ZNF804B: variants seen among roughly 807,000 people sequenced by gnomAD.
ZNF804B encodes the protein zinc finger protein 804B.
In ZNF804B, 80 loss-of-function variants were observed where a neutral mutation model predicts 101.4. The observed-to-expected ratio is 0.79, with a 90% CI of 0.66 to 0.95. The LOEUF is 0.95. Among genes scored for constraint, ZNF804B ranks in the 40% least tolerant of loss-of-function variants. The pLI is 0.00. For synonymous variants in ZNF804B, 622 were observed against 558.8 expected, an observed-to-expected ratio of 1.11 and a Z score of -1.59; for missense variants, 1,673 against 1,561.9, an observed-to-expected ratio of 1.07 and a Z score of -1.20.
intron 1 of ZNF804B, among the ~76,000 whole-genome samples, chr7:89,120,429 G>A (rs1294431041): frequency 6.6e-6 from 1 of 151,972 alleles, no homozygotes; most frequent in East Asian, 1.9e-4. Flanking sequence ...AGGCCGAGGC[G>A]GGCAGATCAC....
intron 1 of ZNF804B, among the ~76,000 whole-genome samples, chr7:89,161,528 C>T (rs898291235): frequency 2.6e-5 from 4 of 151,872 alleles, no homozygotes; most frequent in African/African-American, 9.7e-5. Context: ...GATCATGTCA[C>T]CCAGGTAATG....
intron 1 of ZNF804B, among the ~76,000 whole-genome samples, chr7:88,929,769 T>A (rs1792856285): frequency 6.6e-6 from 1 of 151,958 alleles, no homozygotes; most frequent in Non-Finnish European, 1.5e-5. Flanking sequence ...ATTAGTGTAA[T>A]GGTGATTTAA....
chr7:89,223,973 G>T (rs1789042753), intron 2 of ZNF804B, among the ~76,000 whole-genome samples: 1 of 151,842 alleles, frequency 6.6e-6, no homozygotes, highest in Admixed American at 6.6e-5. Flanking sequence ...ATTAATATAG[G>T]TAACATGTCA....
At chr7:89,190,203 C>T (rs914914302) in intron 1 of ZNF804B, among the ~76,000 whole-genome samples, 2 of 151,644 alleles carry the variant, frequency 1.3e-5, no homozygotes, top group South Asian at 4.2e-4. Flanking sequence ...GGCATAGTGG[C>T]GCACACCTGT....
rs527698876 is a variant in ZNF804B at position 89,091,913 on chromosome 7, T to C, written c.109-126242T>C. Among the ~76,000 whole-genome samples the C allele has an allele frequency of 1.6e-4, 25 of 152,320 alleles. No homozygotes were observed. The East Asian group carries it at 2.3e-3, about 14-fold the overall frequency. On this transcript the variant is annotated intron_variant, in intron 1 of 3. Coordinates refer to ENST00000333190, the MANE Select transcript of ZNF804B (RefSeq NM_181646.5). ...CCGTGTAAGTTAAGGGGAATTCTTA[T>C]GCACAGTTTTTTTTTATTCTTTATA...
intron 1 of ZNF804B, among the ~76,000 whole-genome samples, chr7:89,135,269 C>G (rs924268564): frequency 4.6e-5 from 7 of 151,972 alleles, no homozygotes; most frequent in African/African-American, 1.7e-4. Context: ...TTGCATATTT[C>G]CATATAGTGT....
At chr7:89,185,971 A>G (rs1788369770) in intron 1 of ZNF804B, among the ~76,000 whole-genome samples, 1 of 152,164 alleles carries the variant, frequency 6.6e-6, no homozygotes, top group Non-Finnish European at 1.5e-5. Flanking sequence ...GTCATGTAGA[A>G]TAATACGTTC....
chr7:89,252,689 A>T (rs547191345), intron 2 of ZNF804B, among the ~76,000 whole-genome samples: 2 of 152,354 alleles, frequency 1.3e-5, no homozygotes, highest in East Asian at 3.9e-4. Flanking sequence ...ACACCATAGA[A>T]TACTATGCAG....
chr7:89,033,041 G>GA (rs200755366), intron 1 of ZNF804B, among the ~76,000 whole-genome samples: 24,300 of 143,354 alleles, frequency 0.17, 2,253 homozygotes, highest in East Asian at 0.26. Flanking sequence ...TATTTAAAAG[G>GA]AAAAAAAAAA....
chr7:88,859,976 T>C (rs904268156), intron 1 of ZNF804B, among the ~76,000 whole-genome samples: 1 of 151,842 alleles, frequency 6.6e-6, no homozygotes, highest in East Asian at 1.9e-4. Context: ...ATCAATATTT[T>C]ATAAATATTT....
chr7:88,843,396 T>C (rs552106641), intron 1 of ZNF804B, among the ~76,000 whole-genome samples: 5 of 152,166 alleles, frequency 3.3e-5, no homozygotes, highest in Non-Finnish European at 7.4e-5. Flanking sequence ...AGAATTTTTT[T>C]TATGATGTCA....
At chr7:89,053,451 G>A (rs1307797742) in intron 1 of ZNF804B, among the ~76,000 whole-genome samples, 2 of 151,978 alleles carry the variant, frequency 1.3e-5, no homozygotes. Flanking sequence ...ATTTTTTCTT[G>A]AGCTATTCAT....
rs1425637430 is a variant in ZNF804B, at chr7:89,337,206, A to T, written c.*174A>T. The T allele has an allele frequency of 4.0e-6, 3 of 742,136 alleles. No individual in the cohort carries two copies. The highest frequency in any genetic ancestry group is 3.5e-5 in the African/African-American group (2 of 56,544). 46.0% of individuals were successfully genotyped at this position (742,136 alleles called of 1,614,324 possible). A position where few individuals can be genotyped will look rare whatever the true frequency, so the allele number is the denominator to read the frequency against. ...ATACTAAAACAAGAGCATTTTAATA[A>T]TTTTTTAGCTTGCCAAAATAATAGG... On this transcript the variant is annotated 3_prime_UTR_variant, in exon 4 of 4. Coordinates refer to ENST00000333190, the MANE Select transcript of ZNF804B (RefSeq NM_181646.5).
At chr7:89,070,759 T>C (rs371619906) in intron 1 of ZNF804B, among the ~76,000 whole-genome samples, 2 of 152,108 alleles carry the variant, frequency 1.3e-5, no homozygotes, top group African/African-American at 4.8e-5. Flanking sequence ...ACCTTATAAA[T>C]TGATTTTATA....
chr7:89,041,710 C>T (rs966118619), intron 1 of ZNF804B, among the ~76,000 whole-genome samples: 1 of 152,096 alleles, frequency 6.6e-6, no homozygotes, highest in African/African-American at 2.4e-5. Context: ...CAGGACACAA[C>T]TCTTTTCACA....
chr7:89,050,094 C>T (rs1490356329), intron 1 of ZNF804B, among the ~76,000 whole-genome samples: 1 of 151,958 alleles, frequency 6.6e-6, no homozygotes, highest in East Asian at 1.9e-4. Context: ...ATGAGTTTAC[C>T]ACAATTTGGC....
At chr7:89,212,971 T>C (rs151014143) in intron 1 of ZNF804B, among the ~76,000 whole-genome samples, 5 of 152,252 alleles carry the variant, frequency 3.3e-5, no homozygotes, top group African/African-American at 1.2e-4. Context: ...CTAAAAATTA[T>C]CCAATTTTTT....
At chr7:89,187,418 CCAAA>C (rs1470234430) in intron 1 of ZNF804B, among the ~76,000 whole-genome samples, 12 of 152,168 alleles carry the variant, frequency 7.9e-5, no homozygotes, top group African/African-American at 1.7e-4. Flanking sequence ...TAAGGGAGCT[CCAAA>C]CAAACAAACC....
chr7:89,103,062 T>TG (rs1306999141), intron 1 of ZNF804B, among the ~76,000 whole-genome samples: 3 of 135,204 alleles, frequency 2.2e-5, no homozygotes, highest in African/African-American at 8.8e-5. Context: ...TTTTTTTTTT[T>TG]TTTTTTTTTT....
Sources: allele counts gnomAD v4.1 joint callset (sites outside exome capture counted in the v4.1 genomes callset), GRCh38; gene constraint gnomAD v4.1.1; transcripts MANE v1.5; gene names NCBI Gene and HGNC (gene_info 2026-07-23, HGNC 2026-07-21).